Variants in PTPRN2 observed in about 807,000 individuals in gnomAD.
PTPRN2 encodes receptor-type tyrosine-protein phosphatase N2.
In PTPRN2, 74 loss-of-function variants were observed where a neutral mutation model predicts 118.8. The observed-to-expected ratio is 0.62, with a 90% CI of 0.52 to 0.76. The LOEUF is 0.76. PTPRN2 is among the 30% of genes least tolerant of loss of function. PTPRN2 has a pLI of 0.00. For missense variants in PTPRN2, 1,481 were observed against 1,394.4 expected, an observed-to-expected ratio of 1.06 and a Z score of -0.99; for synonymous variants, 641 against 608.0, an observed-to-expected ratio of 1.05 and a Z score of -0.80.
chr7:157,637,423 C>T (rs1414100737), intron 14 of PTPRN2, among the ~76,000 whole-genome samples: 4 of 152,150 alleles, frequency 2.6e-5, no homozygotes, highest in African/African-American at 9.7e-5. Flanking sequence ...GTGGGGGAAT[C>T]GGGGTGGCTC....
intron 12 of PTPRN2, among the ~76,000 whole-genome samples, chr7:157,879,827 C>A (rs1009138055): frequency 7.3e-6 from 1 of 136,276 alleles, no homozygotes; most frequent in Non-Finnish European, 1.5e-5. Context: ...TTAGATGAAA[C>A]GTCTTTGTTA....
At chr7:158,422,759 G>A (rs547394218) in intron 2 of PTPRN2, among the ~76,000 whole-genome samples, 2 of 147,094 alleles carry the variant, frequency 1.4e-5, no homozygotes, top group South Asian at 2.2e-4. Context: ...GGCCACCATT[G>A]GGATGTGGTC....
At chr7:158,551,003 G>C (rs1826616611) in intron 1 of PTPRN2, among the ~76,000 whole-genome samples, 2 of 152,202 alleles carry the variant, frequency 1.3e-5, no homozygotes, top group Admixed American at 1.3e-4. Context: ...CAGCAAGGAG[G>C]CCTGTCCACC....
intron 1 of PTPRN2, among the ~76,000 whole-genome samples, chr7:158,492,871 G>T (rs887724959): frequency 6.6e-6 from 1 of 152,218 alleles, no homozygotes; most frequent in African/African-American, 2.4e-5. Flanking sequence ...CTCCACACCC[G>T]CCATGTGGCG....
intron 12 of PTPRN2, among the ~76,000 whole-genome samples, chr7:157,847,778 G>C (rs1214092621): frequency 7.0e-6 from 1 of 142,068 alleles, no homozygotes; most frequent in African/African-American, 2.7e-5. Flanking sequence ...GATGTCTACA[G>C]AGCCCTCTCT....
At chr7:158,340,492 A>T (rs1227889217) in intron 2 of PTPRN2, among the ~76,000 whole-genome samples, 1 of 116,860 alleles carries the variant, frequency 8.6e-6, no homozygotes, top group Non-Finnish European at 1.8e-5. Context: ...ATAATAGGTG[A>T]CACCTGCAGA....
intron 2 of PTPRN2, among the ~76,000 whole-genome samples, chr7:158,366,870 G>A (rs147142243): frequency 1.2e-4 from 18 of 152,308 alleles, no homozygotes; most frequent in South Asian, 6.2e-4. Context: ...GACCGAAGAC[G>A]TCACAAGGAA....
In PTPRN2 at chr7:158,158,611, ACT is replaced by A. The variant is rs1267354975; in HGVS notation, c.910+8318_910+8319del. Among the ~76,000 whole-genome samples, 80 of 145,250 alleles carry A rather than the reference ACT, an allele frequency of 5.5e-4. 1 individual carries two copies. Among genetic ancestry groups the A allele is most frequent in the African/African-American group, 1.9e-3 (75 of 39,176 alleles). ...AAGTGCTTTCTGAATGAATGAGTGA[ACT>A]CGGGAGAATCAGGAGCCCGTGTGAT... On this transcript the variant is annotated intron_variant, in intron 6 of 22. Coordinates refer to ENST00000389418, the MANE Select transcript of PTPRN2 (RefSeq NM_002847.5).
chr7:157,930,358 G>A (rs563493974), intron 11 of PTPRN2, among the ~76,000 whole-genome samples: 5 of 152,282 alleles, frequency 3.3e-5, no homozygotes, highest in South Asian at 2.1e-4. Flanking sequence ...GGTGCCCCTC[G>A]TGATTCGCAG....
chr7:158,448,116 C>T (rs991492288), intron 2 of PTPRN2, among the ~76,000 whole-genome samples: 14 of 152,178 alleles, frequency 9.2e-5, no homozygotes, highest in African/African-American at 3.1e-4. Context: ...CTTTCTGGGA[C>T]CACTCCCAGG....
chr7:158,219,483 C>T (rs960684523), intron 3 of PTPRN2, among the ~76,000 whole-genome samples: 1 of 151,294 alleles, frequency 6.6e-6, no homozygotes, highest in Middle Eastern at 3.4e-3. Flanking sequence ...CTCAAATTAA[C>T]AACATAACAT....
intron 11 of PTPRN2, among the ~76,000 whole-genome samples, chr7:157,954,189 CATGTGTGCTGTGTGGTGT>C (rs1801020312): frequency 1.7e-5 from 1 of 60,502 alleles, no homozygotes; most frequent in East Asian, 4.6e-4. Context: ...GTGTGTGGTA[CATGTGTGCTGTGTGGTGT>C]GTGTAGTCTC....
intron 2 of PTPRN2, among the ~76,000 whole-genome samples, chr7:158,341,254 C>T (rs549274900): frequency 1.3e-5 from 2 of 151,980 alleles, no homozygotes; most frequent in South Asian, 4.2e-4. Flanking sequence ...GTGACACCTG[C>T]AGACGTCATT....
rs1054543377 is a variant in PTPRN2 at position 157,944,984 on chromosome 7, A to AC, written c.1724-46248dup. Among the ~76,000 whole-genome samples, 3 of 151,982 alleles carry AC rather than the reference A, an allele frequency of 2.0e-5. No individual in the cohort carries two copies. Among genetic ancestry groups the AC allele is most frequent in the Non-Finnish European group, 4.4e-5 (3 of 67,974 alleles). ...AGCCTGTGCAGCTCCCAGTGCTGTG[A>AC]CCCCACCATGATCGCTCATCTGCTC... On this transcript the variant is annotated intron_variant, in intron 11 of 22. Coordinates refer to ENST00000389418, the MANE Select transcript of PTPRN2 (RefSeq NM_002847.5). The surrounding 1 kb of genome is among the most constrained non-coding windows in gnomAD (Gnocchi z 4.3).
chr7:158,417,029 T>C (rs1416600031), intron 2 of PTPRN2, among the ~76,000 whole-genome samples: 1 of 119,290 alleles, frequency 8.4e-6, no homozygotes, highest in Non-Finnish European at 1.8e-5. Flanking sequence ...TACCTCTCAC[T>C]GTCCCCCTGT....
chr7:157,586,629 C>G (rs1478822508), intron 17 of PTPRN2, among the ~76,000 whole-genome samples: 1 of 151,150 alleles, frequency 6.6e-6, no homozygotes, highest in African/African-American at 2.4e-5. Flanking sequence ...AGACTCAGGG[C>G]CCCCGCTGCT....
intron 10 of PTPRN2, among the ~76,000 whole-genome samples, chr7:158,104,801 A>T (rs62480190): frequency 3.6e-5 from 4 of 111,366 alleles, no homozygotes; most frequent in East Asian, 2.9e-4. Context: ...CCTCAGCTCC[A>T]TCCCAACTCC....
chr7:158,103,882 A>C (rs545853213), intron 10 of PTPRN2, among the ~76,000 whole-genome samples: 2 of 147,994 alleles, frequency 1.4e-5, no homozygotes, highest in South Asian at 4.3e-4. Flanking sequence ...TTTTTTTTTG[A>C]GATGGAGTCT....
At chr7:158,259,621 C>A (rs1797256380) in intron 3 of PTPRN2, among the ~76,000 whole-genome samples, 1 of 152,226 alleles carries the variant, frequency 6.6e-6, no homozygotes, top group Non-Finnish European at 1.5e-5. Context: ...CCTGCTCCCA[C>A]TCCTCACCAG....
Sources: allele counts gnomAD v4.1 joint callset (sites outside exome capture counted in the v4.1 genomes callset), GRCh38; gene constraint gnomAD v4.1.1; non-coding constraint Gnocchi (gnomAD v3.1); transcripts MANE v1.5; gene names NCBI Gene and HGNC (gene_info 2026-07-23, HGNC 2026-07-21).